Variants in ANXA6 observed in about 807,000 individuals in gnomAD.
ANXA6 encodes the protein 67 kDa calelectrin.
Under a neutral mutation model 95.4 loss-of-function variants are expected in ANXA6, and 71 were observed. The ratio of observed to expected loss-of-function variants is 0.74; its 90% confidence interval spans 0.61 to 0.91. The LOEUF is 0.91. ANXA6 is among the 40% of genes least tolerant of loss of function. The pLI is 0.00. For missense variants in ANXA6, 830 were observed against 876.4 expected (o/e 0.95, Z 0.67); for synonymous variants, 289 against 315.9 (o/e 0.91, Z 0.90).
chr5:151,155,480 C>T (rs1766212594), intron 1 of ANXA6: 1 of 152,148 alleles, frequency 6.6e-6, no homozygotes, highest in African/African-American at 2.4e-5. Flanking sequence ...GGGGGCTTCT[C>T]AACTCCAGGA....
Position 151,137,295 on chromosome 5 carries a change from G to C in ANXA6, c.345C>G (p.Leu115=). Reference sequence around the variant, plus strand: ...TGGTCCGGGAAGCCAAGATCTCAATGAGGCACTTCTCATCAGTGCCAATGC... The same window carrying C: ...TGGTCCGGGAAGCCAAGATCTCAATCAGGCACTTCTCATCAGTGCCAATGC... The part of the protein sequence containing the change: ...ISGIGTDEKC[L]IEILASRTNE... The change falls in exon 6 of 26, where the codon CTC becomes CTG. Residue 115 remains leucine (L), a synonymous_variant. Coordinates refer to ENST00000354546, the MANE Select transcript of ANXA6 (RefSeq NM_001155.5). 6.2e-7 allele frequency: 1 copy of C among 1,613,482 alleles called. No individual in the cohort carries two copies. The highest frequency in any genetic ancestry group is 1.7e-5 in the Admixed American group (1 of 60,016).
chr5:151,112,640 G>A (rs1473431433), intron 20 of ANXA6, among the ~76,000 whole-genome samples: 5 of 152,050 alleles, frequency 3.3e-5, no homozygotes, highest in Non-Finnish European at 2.9e-5. Context: ...GAGACCAGCC[G>A]GGATAACGTG....
At chr5:151,138,370 G>T (rs190437976) in intron 5 of ANXA6, among the ~76,000 whole-genome samples, 10 of 152,172 alleles carry the variant, frequency 6.6e-5, no homozygotes, top group Non-Finnish European at 1.3e-4. Context: ...CTTGGCCCAG[G>T]GTCATGTTGA....
chr5:151,116,798 T>TG (rs1765011733), intron 20 of ANXA6, among the ~76,000 whole-genome samples: 2 of 152,218 alleles, frequency 1.3e-5, no homozygotes. Flanking sequence ...TCAATTCTAC[T>TG]GGGGCCACTG....
intron 1 of ANXA6, among the ~76,000 whole-genome samples, chr5:151,154,471 C>A (rs1481477208): frequency 1.3e-5 from 2 of 152,174 alleles, no homozygotes; most frequent in Non-Finnish European, 2.9e-5. Flanking sequence ...AAAAGATCAT[C>A]TTCAGTGCGT....
Position 151,105,278 on chromosome 5 carries a change from G to A in ANXA6, c.1806C>T (p.Leu602=), listed in dbSNP as rs1179161231. ...ATTTGTAAAGTTTGTCGGCAAAGAA[G>A]AGAGGCTTGTTCTTGACACTTTGAA... ...AIVQSVKNKP[L]FFADKLYKSM... is the part of the protein sequence containing the mutation. Residue 602 remains leucine (L), a synonymous_variant, in exon 24 of 26, where the codon CTC becomes CTT. Coordinates refer to ENST00000354546, the MANE Select transcript of ANXA6 (RefSeq NM_001155.5). The A allele has an allele frequency of 1.9e-6, 3 of 1,613,970 alleles. No individual in the cohort carries two copies. The highest frequency in any genetic ancestry group is 2.5e-6 in the Non-Finnish European group (3 of 1,179,846).
chr5:151,149,362 G>A (rs1173424236), intron 1 of ANXA6, among the ~76,000 whole-genome samples: 1 of 152,126 alleles, frequency 6.6e-6, no homozygotes. Flanking sequence ...AAGTATAAGA[G>A]AAGCAGGTAG....
chr5:151,101,323 C>CAACCCA lies in ANXA6; in HGVS notation c.*119_*124dup. The CAACCCA allele has an allele frequency of 6.0e-6, 3 of 500,592 alleles. No individual in the cohort carries two copies. The highest frequency in any genetic ancestry group is 1.7e-5 in the South Asian group (1 of 57,414). The allele number at this position is 500,592 out of a possible 1,614,324, so 31.0% of individuals were successfully genotyped here. ...CTAAGCTCCACTGAAGATAAGAGCC[C>CAACCCA]AACCCAACCCCTCCCCCCACCCCTG... On this transcript the variant is annotated 3_prime_UTR_variant, in exon 26 of 26. Transcript: ENST00000354546.
At chr5:151,114,615 A>T (rs1420616821) in intron 20 of ANXA6, among the ~76,000 whole-genome samples, 1 of 12,408 alleles carries the variant, frequency 8.1e-5, no homozygotes, top group African/African-American at 5.1e-4. Flanking sequence ...CTCCGTCTTA[A>T]AAAAAAAAAA....
In ANXA6 at chr5:151,101,475, C is replaced by A. The variant is rs1370129897; in HGVS notation, c.1995G>T (p.Leu665Phe). ...AGTCCTCACCACCACAGAGAGCCAG[C>A]AAGGCCTTCAGGAAGTCTCCGGAGG... ...GDTSGDFLKA[L>F]LALCGGED The change falls in exon 26 of 26, where the codon TTG (leucine) becomes TTT (phenylalanine). Residue 665 changes from leucine (L) to phenylalanine (F), a missense_variant. Transcript: ENST00000354546. 6.4e-7 allele frequency: 1 copy of A among 1,561,414 alleles called. No individual in the cohort carries two copies. The highest frequency in any genetic ancestry group is 8.7e-7 in the Non-Finnish European group (1 of 1,152,674).
intron 1 of ANXA6, among the ~76,000 whole-genome samples, chr5:151,153,049 A>T (rs1029131308): frequency 6.6e-6 from 1 of 152,110 alleles, no homozygotes; most frequent in South Asian, 2.1e-4. Flanking sequence ...AGCCTGAGCC[A>T]CAGCACTCCT....
chr5:151,109,311 T>A (rs997422701), intron 22 of ANXA6, among the ~76,000 whole-genome samples: 2 of 152,236 alleles, frequency 1.3e-5, no homozygotes, highest in African/African-American at 4.8e-5. Context: ...CCAGGGCCAC[T>A]GCATACAGGT....
intron 23 of ANXA6, among the ~76,000 whole-genome samples, chr5:151,107,045 G>C (rs1340955005): frequency 6.6e-6 from 1 of 152,204 alleles, no homozygotes; most frequent in Non-Finnish European, 1.5e-5. Context: ...GGCAGCCTGT[G>C]GTTTGAGTCC....
chr5:151,129,163 C>T (rs776274186), intron 12 of ANXA6, among the ~76,000 whole-genome samples: 12 of 152,208 alleles, frequency 7.9e-5, no homozygotes, highest in East Asian at 1.9e-4. Context: ...ATTCAGCTTG[C>T]GTGTCCTTCA....
At chr5:151,138,565 C>A in intron 5 of ANXA6, 113 bp downstream of exon 5, 1 of 699,066 alleles carries the variant, frequency 1.4e-6, no homozygotes, top group South Asian at 1.7e-5. Flanking sequence ...GTCTTTGAAG[C>A]AGGACACATG....
rs1765095630 is a variant in ANXA6 at position 151,119,320 on chromosome 5, ATGGCCCGGATTTCAGCATTGGTCCGAG to A, written c.1391_1417del (p.Thr464_Ala472del). ...CTCACCCTCCTTATAGGCCTCATTG[ATGGCCCGGATTTCAGCATTGGTCCGAG>A]TGGCCAGGATTTCAATAAGAGCCTT... On this transcript the variant is annotated inframe_deletion, in exon 18 of 26. Coordinates refer to ENST00000354546, the MANE Select transcript of ANXA6 (RefSeq NM_001155.5). 6 of 1,613,222 alleles carry A rather than the reference ATGGCCCGGATTTCAGCATTGGTCCGAG, an allele frequency of 3.7e-6. No individual in the cohort carries two copies. Among genetic ancestry groups the A allele is most frequent in the Non-Finnish European group, 4.2e-6 (5 of 1,179,862 alleles).
intron 20 of ANXA6, among the ~76,000 whole-genome samples, chr5:151,116,288 CCCA>C (rs1193295208): frequency 1.3e-5 from 2 of 152,114 alleles, no homozygotes; most frequent in African/African-American, 4.8e-5. Flanking sequence ...GTGTCTGTGC[CCCA>C]CATCCCTGGA....
Position 151,101,335 on chromosome 5 carries a change from T to TC in ANXA6, c.*112dup. On this transcript the variant is annotated 3_prime_UTR_variant, in exon 26 of 26. Transcript: ENST00000354546. The stretch of plus-strand genomic sequence containing the variant: ...GAAGATAAGAGCCCAACCCAACCCC[T>TC]CCCCCCACCCCTGCCCCTTCCTTAG... 28 of 153,018 alleles carry TC rather than the reference T, an allele frequency of 1.8e-4. No individual in the cohort carries two copies. The highest frequency in any genetic ancestry group is 2.0e-3 in the Middle Eastern group (1 of 504). 9.5% of individuals were successfully genotyped at this position (153,018 alleles called of 1,614,324 possible).
At chr5:151,145,819 C>T (rs888217792) in intron 2 of ANXA6, among the ~76,000 whole-genome samples, 3 of 152,160 alleles carry the variant, frequency 2.0e-5, no homozygotes, top group Non-Finnish European at 4.4e-5. Context: ...TACCAAATTA[C>T]TTTTACTCCC....
Sources: gnomAD v4.1 joint callset for allele counts (sites outside exome capture counted in the v4.1 genomes callset) on GRCh38, gnomAD v4.1.1 for gene constraint, MANE v1.5 for transcripts, NCBI Gene and HGNC (gene_info 2026-07-23, HGNC 2026-07-21) for gene names.